The following EFCAB3 variants were observed in gnomAD, a reference collection of about 807,000 sequenced individuals.
The protein encoded by EFCAB3 is EF-hand calcium binding domain 3, also known as EF-hand calcium-binding domain-containing protein 3.
EFCAB3 carries 36 observed loss-of-function variants against 42.2 expected under a neutral mutation model. That is an observed-to-expected ratio of 0.85 (90% CI 0.65 to 1.13). EFCAB3 has a LOEUF of 1.13. Among genes scored for constraint, EFCAB3 ranks in the 50% most tolerant of loss-of-function variants. The pLI is 0.00. For synonymous variants in EFCAB3, 170 were observed against 172.8 expected (o/e 0.98, Z 0.13); for missense variants, 418 against 505.1 (o/e 0.83, Z 1.65).
intron 8 of EFCAB3, among the ~76,000 whole-genome samples, chr17:62,413,357 C>G (rs1280113537): frequency 6.6e-6 from 1 of 152,178 alleles, no homozygotes; most frequent in Non-Finnish European, 1.5e-5. Flanking sequence ...AGATATTTAT[C>G]TTTTCATATT....
chr17:62,371,102 GA>G (rs10537497), intron 1 of EFCAB3, among the ~76,000 whole-genome samples: 98,184 of 147,878 alleles, frequency 0.66, 32,845 homozygotes, highest in Admixed American at 0.76. Flanking sequence ...CTTAAAAAAA[GA>G]AAAAAAAAAA....
intron 6 of EFCAB3, among the ~76,000 whole-genome samples, chr17:62,402,629 A>G (rs2070413692): frequency 6.6e-6 from 1 of 152,154 alleles, no homozygotes; most frequent in Non-Finnish European, 1.5e-5. Flanking sequence ...CTTGCATCCC[A>G]GGGATGAAGC....
intron 9 of EFCAB3, among the ~76,000 whole-genome samples, chr17:62,414,325 G>A (rs997490414): frequency 7.2e-5 from 11 of 152,190 alleles, no homozygotes; most frequent in South Asian, 2.1e-4. Flanking sequence ...GCTAGGGCAA[G>A]TATTCTTTGG....
rs1051082531 is a variant in EFCAB3, at chr17:62,383,108, G to A, written c.74+55G>A. 32 of 1,470,896 alleles carry A rather than the reference G, an allele frequency of 2.2e-5. No homozygotes were observed. In the South Asian group the frequency reaches 3.6e-4, roughly 17 times the overall value. The allele number at this position is 1,470,896 out of a possible 1,614,324, so 91.1% of individuals were successfully genotyped here. ...TGTATTATGATAAAGAATTATTAGT[G>A]TTACAGCTCTTTTAGAATTTTGTCT... On this transcript the variant is annotated intron_variant, in intron 2 of 9. Transcript: ENST00000305286.
At chr17:62,380,444 C>A, upstream of EFCAB3, 1 of 388,790 alleles carries the variant, frequency 2.6e-6, no homozygotes, top group Non-Finnish European at 3.5e-6. Context: ...GAATGAACCA[C>A]ACTGAAAACA....
rs574519058 is a variant in EFCAB3, at chr17:62,400,911, C to T, written c.489-5569C>T. On this transcript the variant is annotated intron_variant, in intron 6 of 9. Transcript: ENST00000305286. ...TGTTCCTATTTCTCCACATCCTCTC[C>T]AGCACCTGTTGTTTTTAATGATTTT... Among the ~76,000 whole-genome samples the T allele has an allele frequency of 6.6e-5, 10 of 152,126 alleles. 1 individual carries two copies. The South Asian group carries it at 2.1e-3, about 32-fold the overall frequency.
At chr17:62,391,504 T>C (rs1309785274) in intron 3 of EFCAB3, among the ~76,000 whole-genome samples, 2 of 152,146 alleles carry the variant, frequency 1.3e-5, no homozygotes, top group Non-Finnish European at 2.9e-5. Flanking sequence ...CCCAGAATAA[T>C]CTATCTTAAT....
chr17:62,382,970 C>A lies in EFCAB3; in HGVS notation c.-10C>A, dbSNP rs12150166. ...GTATATTCTGAATTCCAGACAGAGT[C>A]ACTGGCCACATGGCAGTTTCAGAAA... On this transcript the variant is annotated 5_prime_UTR_variant, in exon 2 of 10. Coordinates refer to ENST00000305286, the MANE Select transcript of EFCAB3 (RefSeq NM_173503.4). 5.3e-5 allele frequency: 86 copies of A among 1,612,482 alleles called. No homozygotes were observed. The highest frequency in any genetic ancestry group is 6.9e-5 in the Non-Finnish European group (81 of 1,179,540).
upstream of EFCAB3, among the ~76,000 whole-genome samples, chr17:62,376,157 A>G (rs570605524): frequency 2.6e-5 from 4 of 152,330 alleles, no homozygotes; most frequent in Non-Finnish European, 5.9e-5. Flanking sequence ...GATTCACTCA[A>G]TAATACTACA....
rs1203209597 is a variant in EFCAB3, at chr17:62,383,033, A to G, written c.54A>G (p.Val18=). ...PKLKLNPLTK[V]PISHNKRDRD... is the part of the protein sequence containing the mutation. ...TTAAGCTGAATCCTCTAACAAAAGT[A>G]CCCATCTCCCACAATAAAAGGTAGG... The change falls in exon 2 of 10, where the codon GTA becomes GTG. Residue 18 remains valine (V), a synonymous_variant. Transcript: ENST00000305286. The G allele has an allele frequency of 5.6e-6, 9 of 1,613,524 alleles. 1 individual carries two copies. Among genetic ancestry groups the G allele is most frequent in the South Asian group, 2.2e-5 (2 of 90,904 alleles).
chr17:62,387,836 G>A lies in EFCAB3; in HGVS notation c.151+420G>A, dbSNP rs184936206. Among the ~76,000 whole-genome samples, 249 of 152,248 alleles carry A rather than the reference G, an allele frequency of 1.6e-3. 1 individual carries two copies. Among genetic ancestry groups the A allele is most frequent in the Admixed American group, 4.5e-3 (69 of 15,282 alleles). Reference sequence around the variant, plus strand: ...TTTATTTAATGCCAAAAATGTACTAGGCGTGGGAAACAACAAAACAAGTCA... The same window carrying A: ...TTTATTTAATGCCAAAAATGTACTAAGCGTGGGAAACAACAAAACAAGTCA... On this transcript the variant is annotated intron_variant, in intron 3 of 9. Transcript: ENST00000305286.
At chr17:62,398,579 G>T (rs913476747) in intron 6 of EFCAB3, among the ~76,000 whole-genome samples, 2 of 151,516 alleles carry the variant, frequency 1.3e-5, no homozygotes, top group Admixed American at 6.6e-5. Context: ...TAAAGCAGGA[G>T]GATTGCTTGA....
At chr17:62,397,677 G>A (rs1273617129) in intron 6 of EFCAB3, 4 of 583,606 alleles carry the variant, frequency 6.9e-6, no homozygotes, top group African/African-American at 5.6e-5. Context: ...AATGGTGGTT[G>A]CTTGAACTTT....
chr17:62,387,854 A>G (rs1364383788), intron 3 of EFCAB3, among the ~76,000 whole-genome samples: 1 of 152,166 alleles, frequency 6.6e-6, no homozygotes, highest in Non-Finnish European at 1.5e-5. Context: ...AAACAACAAA[A>G]CAAGTCAGAT....
chr17:62,402,691 C>A (rs1218181493), intron 6 of EFCAB3, among the ~76,000 whole-genome samples: 2 of 152,254 alleles, frequency 1.3e-5, no homozygotes, highest in Middle Eastern at 3.4e-3. Flanking sequence ...ATTCGGTTTG[C>A]CAGTATTTTA....
At chr17:62,378,211 A>G (rs1179571784), upstream of EFCAB3, among the ~76,000 whole-genome samples, 1 of 152,188 alleles carries the variant, frequency 6.6e-6, no homozygotes, top group Admixed American at 6.5e-5. Flanking sequence ...TATAGTCCAC[A>G]CCACACTGAA....
chr17:62,373,560 G>T (rs947420198), intron 1 of EFCAB3, among the ~76,000 whole-genome samples: 2 of 151,914 alleles, frequency 1.3e-5, no homozygotes, highest in Non-Finnish European at 2.9e-5. Flanking sequence ...GGTCAAGGTT[G>T]CAATGAGCCA....
At chr17:62,389,659 C>T (rs532267187) in intron 3 of EFCAB3, among the ~76,000 whole-genome samples, 26 of 152,230 alleles carry the variant, frequency 1.7e-4, no homozygotes, top group African/African-American at 6.3e-4. Context: ...ATGTCTACCT[C>T]CTTACCAGCA....
chr17:62,403,689 G>C (rs1040519728), intron 6 of EFCAB3, among the ~76,000 whole-genome samples: 3 of 152,116 alleles, frequency 2.0e-5, no homozygotes, highest in Admixed American at 6.6e-5. Flanking sequence ...TCCCAGGCTA[G>C]AGTGCTGGAG....
Sources: allele counts gnomAD v4.1 joint callset (sites outside exome capture counted in the v4.1 genomes callset), GRCh38; gene constraint gnomAD v4.1.1; transcripts MANE v1.5; gene names NCBI Gene and HGNC (gene_info 2026-07-23, HGNC 2026-07-21).